Variants in TRPM3 observed in about 807,000 individuals in gnomAD.
TRPM3 encodes the protein long transient receptor potential channel 3.
Under a neutral mutation model 181.2 loss-of-function variants are expected in TRPM3, and 77 were observed. The observed-to-expected ratio is 0.42, with a 90% CI of 0.35 to 0.51. The LOEUF (loss-of-function observed/expected upper bound fraction) is 0.51. TRPM3 is among the 20% of genes least tolerant of loss of function. The pLI, the probability that TRPM3 is intolerant of heterozygous loss-of-function variation, is 0.01. For missense variants in TRPM3, 1,759 were observed against 2,196.7 expected, an observed-to-expected ratio of 0.80 and a Z score of 3.98; for synonymous variants, 745 against 796.4, an observed-to-expected ratio of 0.94 and a Z score of 1.09.
At chr9:71,426,054 T>A (rs1423836164) in intron 1 of TRPM3, among the ~76,000 whole-genome samples, 1 of 152,176 alleles carries the variant, frequency 6.6e-6, no homozygotes, top group Non-Finnish European at 1.5e-5. Context: ...GCCAGTTATT[T>A]TATGCCACTG....
At chr9:70,824,366 G>GA (rs2093412129) in intron 6 of TRPM3, 1 of 152,098 alleles carries the variant, frequency 6.6e-6, no homozygotes, top group Admixed American at 6.5e-5. Flanking sequence ...AGCAGGAAAT[G>GA]AAAAAGTAAA....
chr9:70,793,404 C>A (rs868835626), intron 6 of TRPM3, among the ~76,000 whole-genome samples: 15 of 147,968 alleles, frequency 1.0e-4, no homozygotes, highest in African/African-American at 3.2e-4. Flanking sequence ...TGCAGTGAGC[C>A]CTGAGGGTGC....
intron 1 of TRPM3, among the ~76,000 whole-genome samples, chr9:70,998,172 C>CACATATATATACATATATACACATATAT (rs2097561320): frequency 1.5e-5 from 2 of 136,876 alleles, no homozygotes; most frequent in East Asian, 4.0e-4. Context: ...TACATATATA[C>CACATATATATACATATATACACATATAT]ACATATATAT....
rs895570151 is a variant in TRPM3, at chr9:70,769,251, C to T, written c.1149-7527G>A. On this transcript the variant is annotated intron_variant, in intron 7 of 25. Coordinates refer to ENST00000677713, the MANE Select transcript of TRPM3 (RefSeq NM_001366145.2). ...CTCCTGCCACTCTGTCACACATATC[C>T]CATAAATACTGAATCTCCCAAGCCC... Among the ~76,000 whole-genome samples, 3 of 152,124 alleles carry T rather than the reference C, an allele frequency of 2.0e-5. No individual in the cohort carries two copies. In the East Asian group the frequency reaches 5.8e-4, roughly 29 times the overall value.
intron 1 of TRPM3, among the ~76,000 whole-genome samples, chr9:71,149,236 C>CA (rs1181781321): frequency 6.6e-6 from 1 of 151,916 alleles, no homozygotes; most frequent in Non-Finnish European, 1.5e-5. Flanking sequence ...CCAGTCTCTA[C>CA]AAAAAATAAT....
chr9:70,836,456 C>T (rs564139790), intron 5 of TRPM3, among the ~76,000 whole-genome samples: 29 of 152,276 alleles, frequency 1.9e-4, no homozygotes, highest in African/African-American at 6.3e-4. Context: ...AAAAGTGCTG[C>T]CTTGTCACCA....
intron 8 of TRPM3, among the ~76,000 whole-genome samples, chr9:70,738,924 C>T (rs561730712): frequency 2.6e-4 from 40 of 151,840 alleles, no homozygotes; most frequent in Middle Eastern, 6.8e-3. Flanking sequence ...CTAGATTAAA[C>T]CAGGAAGATA....
intron 1 of TRPM3, among the ~76,000 whole-genome samples, chr9:70,969,384 T>C (rs2097216128): frequency 6.6e-6 from 1 of 151,874 alleles, no homozygotes; most frequent in Non-Finnish European, 1.5e-5. Flanking sequence ...ATAATGAAAC[T>C]GCACATTTGA....
At chr9:71,328,298 G>A (rs758738919) in intron 1 of TRPM3, among the ~76,000 whole-genome samples, 40 of 152,168 alleles carry the variant, frequency 2.6e-4, no homozygotes, top group Non-Finnish European at 2.1e-4. Flanking sequence ...GGAGAAGCTG[G>A]GACTACAGGC....
intron 1 of TRPM3, among the ~76,000 whole-genome samples, chr9:70,876,255 TAATA>T (rs140643840): frequency 1.9e-3 from 294 of 150,960 alleles, no homozygotes; most frequent in African/African-American, 6.9e-3. Flanking sequence ...TAGAAGACAC[TAATA>T]TATATACATA....
At chr9:70,793,828 T>C (rs544340169) in intron 6 of TRPM3, 3 of 322,914 alleles carry the variant, frequency 9.3e-6, no homozygotes, top group South Asian at 7.7e-5. Context: ...CCACCATTCG[T>C]CTTTCATTTT....
intron 1 of TRPM3, among the ~76,000 whole-genome samples, chr9:71,053,305 C>T (rs2060275148): frequency 6.6e-6 from 1 of 152,104 alleles, no homozygotes; most frequent in Admixed American, 6.6e-5. Flanking sequence ...GTATCCTCAC[C>T]TGTGCAGCGC....
intron 1 of TRPM3, among the ~76,000 whole-genome samples, chr9:70,983,698 G>C (rs1478513498): frequency 6.6e-6 from 1 of 152,174 alleles, no homozygotes; most frequent in Non-Finnish European, 1.5e-5. Context: ...CTGTAGACAG[G>C]ATAGCTAGAA....
intron 1 of TRPM3, among the ~76,000 whole-genome samples, chr9:71,241,252 G>A (rs1308519069): frequency 6.6e-6 from 1 of 152,022 alleles, no homozygotes. Flanking sequence ...TTCTCTGGTG[G>A]TAAAGACTGG....
chr9:71,303,790 C>A (rs77038530), intron 1 of TRPM3, among the ~76,000 whole-genome samples: 1 of 151,936 alleles, frequency 6.6e-6, no homozygotes, highest in South Asian at 2.1e-4. Context: ...AAAGGTGTTA[C>A]ATTATTTTAA....
intron 1 of TRPM3, among the ~76,000 whole-genome samples, chr9:70,897,261 C>G (rs1221375730): frequency 9.3e-6 from 1 of 108,072 alleles, no homozygotes; most frequent in Non-Finnish European, 2.0e-5. Flanking sequence ...CCTTCCCAGC[C>G]TCTGGTAACC....
At chr9:70,864,533 A>AG in intron 1 of TRPM3, 22 bp from the exon 2 acceptor site, 2 of 1,465,000 alleles carry the variant, frequency 1.4e-6, no homozygotes, top group Non-Finnish European at 1.8e-6. Flanking sequence ...AACAAAAAAA[A>AG]AAAAAAAAGA....
intron 1 of TRPM3, among the ~76,000 whole-genome samples, chr9:71,359,031 A>G (rs2092025719): frequency 6.6e-6 from 1 of 152,238 alleles, no homozygotes; most frequent in Non-Finnish European, 1.5e-5. Context: ...TTGATGATAT[A>G]GTGCCTCACT....
intron 1 of TRPM3, among the ~76,000 whole-genome samples, chr9:71,196,313 A>C (rs2078358910): frequency 1.3e-5 from 2 of 151,628 alleles, no homozygotes; most frequent in Admixed American, 1.3e-4. Flanking sequence ...TATGGCCAAA[A>C]AAAGTCACAC....
Sources: allele counts gnomAD v4.1 joint callset (sites outside exome capture counted in the v4.1 genomes callset), GRCh38; gene constraint gnomAD v4.1.1; transcripts MANE v1.5; gene names NCBI Gene and HGNC (gene_info 2026-07-23, HGNC 2026-07-21).